Variants in GID4 observed in about 807,000 individuals in gnomAD.
The protein encoded by GID4 is GID complex subunit 4 homolog.
GID4 carries 7 observed loss-of-function variants against 32.4 expected under a neutral mutation model. That is an observed-to-expected ratio of 0.22 (90% CI 0.12 to 0.41). The LOEUF (loss-of-function observed/expected upper bound fraction) is 0.41, where lower values mean the gene tolerates loss of function less well. Ranked by LOEUF, GID4 falls within the 10% of genes least tolerant of loss-of-function variation. The pLI is 1.00. For missense variants in GID4, 309 were observed against 400.0 expected, an observed-to-expected ratio of 0.77 and a Z score of 1.94; for synonymous variants, 166 against 170.0, an observed-to-expected ratio of 0.98 and a Z score of 0.18.
chr17:18,047,851 A>G (rs138838861), intron 2 of GID4, among the ~76,000 whole-genome samples: 13 of 152,252 alleles, frequency 8.5e-5, no homozygotes, highest in Non-Finnish European at 1.9e-4. Context: ...CATTTGAAGT[A>G]TACAGTTCAT....
intron 5 of GID4, among the ~76,000 whole-genome samples, chr17:18,064,574 C>T (rs1249282372): frequency 6.6e-6 from 1 of 152,116 alleles, no homozygotes; most frequent in Non-Finnish European, 1.5e-5. Flanking sequence ...AGATTGTCTG[C>T]CCCTATTTCT....
chr17:18,047,360 A>AGTGT (rs2145554581), intron 2 of GID4, among the ~76,000 whole-genome samples: 1 of 152,392 alleles, frequency 6.6e-6, no homozygotes, highest in Non-Finnish European at 1.5e-5. Flanking sequence ...TAAGGAAACC[A>AGTGT]GCAAGTGTGT....
intron 2 of GID4, among the ~76,000 whole-genome samples, chr17:18,051,213 C>T (rs1178940185): frequency 6.6e-6 from 1 of 152,072 alleles, no homozygotes. Context: ...ACTATGTTGC[C>T]CAAGCTGATC....
rs941164604 is a variant in GID4 at position 18,066,145 on chromosome 17, A to C, written c.*902A>C. On this transcript the variant is annotated 3_prime_UTR_variant, in exon 6 of 6. Coordinates refer to ENST00000268719, the MANE Select transcript of GID4 (RefSeq NM_024052.5). ...GAAAACAGCAAATGTTGACTTAGTA[A>C]TTTTTATATCGATATCTATATGTAT... 11 of 152,538 alleles carry C rather than the reference A, an allele frequency of 7.2e-5. No individual in the cohort carries two copies. The highest frequency in any genetic ancestry group is 2.2e-4 in the African/African-American group (9 of 41,430). 9.4% of individuals were successfully genotyped at this position (152,538 alleles called of 1,614,324 possible).
rs1212480832 is a variant in GID4, at chr17:18,054,138, C to T, written c.510C>T (p.Thr170=). 6.2e-7 allele frequency: 1 copy of T among 1,602,726 alleles called. No homozygotes were observed. The highest frequency in any genetic ancestry group is 1.3e-5 in the African/African-American group (1 of 74,820). Residue 170 remains threonine (T), a synonymous_variant, in exon 3 of 6, where the codon ACC becomes ACT. Transcript: ENST00000268719. ...GGTTTTTACCATAGGAGTATCCAAC[C>T]CTTACAACCTTCTTCGAAGGAGAAA... is the stretch of plus-strand genomic sequence containing the variant. The part of the protein sequence containing the change: ...KIKGLTEEYP[T]LTTFFEGEII...
chr17:18,045,245 G>A, intron 2 of GID4, 39 bp downstream of exon 2: 1 of 1,552,890 alleles, frequency 6.4e-7, no homozygotes, highest in Non-Finnish European at 8.9e-7. Flanking sequence ...TAGAAAGTCT[G>A]TGGTGTGCTC....
At position 18,065,392 on chromosome 17, in the gene GID4, G is replaced by T. The variant is rs560870144; in HGVS notation, c.*149G>T. On this transcript the variant is annotated 3_prime_UTR_variant, in exon 6 of 6. Transcript: ENST00000268719. Reference sequence around the variant, plus strand: ...CACAAAGCATGAATGTTAACCCACAGAATCCAAGGAGCATGGCTGGCCCGT... The same window carrying T: ...CACAAAGCATGAATGTTAACCCACATAATCCAAGGAGCATGGCTGGCCCGT... 12 of 678,820 alleles carry T rather than the reference G, an allele frequency of 1.8e-5. No individual in the cohort carries two copies. The South Asian group carries it at 2.0e-4, about 12-fold the overall frequency. 42.0% of individuals were successfully genotyped at this position (678,820 alleles called of 1,614,324 possible). A position where few individuals can be genotyped will look rare whatever the true frequency, so the allele number is the denominator to read the frequency against.
rs532561952 is a variant in GID4 at position 18,060,355 on chromosome 17, G to A, written c.708+1386G>A. On this transcript the variant is annotated intron_variant, in intron 4 of 5. Coordinates refer to ENST00000268719, the MANE Select transcript of GID4 (RefSeq NM_024052.5). ...GGAGGTTGCAGTGAGCCAAGATTGC[G>A]CTACTGCACTCCAGGCTGGGTGACA... Among the ~76,000 whole-genome samples the A allele has an allele frequency of 4.3e-5, 6 of 138,338 alleles. No individual in the cohort carries two copies. The East Asian group carries it at 8.7e-4, about 20-fold the overall frequency. The allele number at this position is 138,338 out of a possible 152,430, so 90.8% of individuals were successfully genotyped here.
rs1286514345 is a variant in GID4 at position 18,068,192 on chromosome 17, TTAC to T, written c.*2952_*2954del. 2.0e-5 allele frequency: 3 copies of T among 152,640 alleles called. No homozygotes were observed. The highest frequency in any genetic ancestry group is 3.8e-4 in the East Asian group (2 of 5,202). The allele number at this position is 152,640 out of a possible 1,614,324, so 9.5% of individuals were successfully genotyped here. ...AACTGTGTTGTATCGTGGTTTAAAA[TTAC>T]TAACAAGTTGTGGGAAAGAAAAATA... On this transcript the variant is annotated 3_prime_UTR_variant, in exon 6 of 6. Coordinates refer to ENST00000268719, the MANE Select transcript of GID4 (RefSeq NM_024052.5).
chr17:18,039,911 C>A lies in GID4; in HGVS notation c.438+9C>A. 3 of 1,370,950 alleles carry A rather than the reference C, an allele frequency of 2.2e-6. No individual in the cohort carries two copies. The highest frequency in any genetic ancestry group is 2.9e-6 in the Non-Finnish European group (3 of 1,052,126). The allele number at this position is 1,370,950 out of a possible 1,614,324, so 84.9% of individuals were successfully genotyped here. A position where few individuals can be genotyped will look rare whatever the true frequency, so the allele number is the denominator to read the frequency against. On this transcript the variant is annotated intron_variant, in intron 1 of 5. Transcript: ENST00000268719. This position sits in a 1 kb window ranked among gnomAD's most constrained non-coding sequence, Gnocchi z 5.3. ...TAGAGGTGGTGCTGCAGGTGAGCGCCGGGCCGGGCCGGGGCCCGAGGGCCT... is the reference window on the plus strand; with the variant it reads ...TAGAGGTGGTGCTGCAGGTGAGCGCAGGGCCGGGCCGGGGCCCGAGGGCCT...
intron 4 of GID4, among the ~76,000 whole-genome samples, chr17:18,059,682 A>G (rs2045001449): frequency 6.6e-6 from 1 of 152,212 alleles, no homozygotes; most frequent in East Asian, 1.9e-4. Flanking sequence ...CCTAGTCCCC[A>G]GTCTGCAGGG....
In GID4 at chr17:18,039,652, C is replaced by A; in HGVS notation, c.188C>A (p.Ser63Tyr). The change falls in exon 1 of 6, where the codon TCC becomes TAC. Residue 63 changes from serine (S) to tyrosine (Y), a missense_variant. Ser to Tyr is a moderately radical substitution (Grantham distance 144). Around this residue, in one of 2 missense-constraint regions of GID4, gnomAD observed 193 missense variants for 185.8 expected, o/e 1.04. Coordinates refer to ENST00000268719, the MANE Select transcript of GID4 (RefSeq NM_024052.5). This position sits in a 1 kb window ranked among gnomAD's most constrained non-coding sequence, Gnocchi z 5.3. ...GLSLPATLLG[S>Y]RAAAAVPLPL... ...TCCCTCCCCGCCACCCTCCTCGGCT[C>A]CCGCGCGGCGGCGGCGGTTCCTCTC... The A allele has an allele frequency of 7.4e-7, 1 of 1,353,512 alleles. No individual in the cohort carries two copies. Among genetic ancestry groups the A allele is most frequent in the South Asian group, 1.9e-5 (1 of 53,982 alleles). The allele number at this position is 1,353,512 out of a possible 1,614,324, so 83.8% of individuals were successfully genotyped here.
At chr17:18,046,408 C>G (rs1230198915) in intron 2 of GID4, among the ~76,000 whole-genome samples, 2 of 152,076 alleles carry the variant, frequency 1.3e-5, no homozygotes, top group Non-Finnish European at 2.9e-5. Flanking sequence ...AATTCAAGAC[C>G]AGCCTGGACA....
chr17:18,064,255 G>A (rs1194867315), intron 5 of GID4, among the ~76,000 whole-genome samples: 1 of 152,106 alleles, frequency 6.6e-6, no homozygotes, highest in African/African-American at 2.4e-5. Context: ...GTTTCCCACA[G>A]CAGCTGCACC....
In GID4 at chr17:18,056,934, A is replaced by G. The variant is rs567573036; in HGVS notation, c.607-1934A>G. Reference sequence around the variant, plus strand: ...GAGGACTCCCAGGTTCCCACGTGGGACTCCTGGAGCTCTGTACTGCACCTG... The same window carrying G: ...GAGGACTCCCAGGTTCCCACGTGGGGCTCCTGGAGCTCTGTACTGCACCTG... On this transcript the variant is annotated intron_variant, in intron 3 of 5. Transcript: ENST00000268719. 25 of 1,550,398 alleles carry G rather than the reference A, an allele frequency of 1.6e-5. No individual in the cohort carries two copies. In the African/African-American group the frequency reaches 3.1e-4, roughly 20 times the overall value.
At chr17:18,044,995 C>T in intron 1 of GID4, 152 bp from the exon 2 acceptor site, 1 of 555,674 alleles carries the variant, frequency 1.8e-6, no homozygotes, top group East Asian at 2.8e-5. Flanking sequence ...GTGGGGAGAA[C>T]TTATCAAGAT....
intron 1 of GID4, among the ~76,000 whole-genome samples, chr17:18,043,112 G>A (rs1177320706): frequency 6.6e-6 from 1 of 152,298 alleles, no homozygotes; most frequent in African/African-American, 2.4e-5. Context: ...TAAAAGAACA[G>A]CCGTTGGACA....
At chr17:18,047,157 T>C (rs920889685) in intron 2 of GID4, among the ~76,000 whole-genome samples, 1 of 152,218 alleles carries the variant, frequency 6.6e-6, no homozygotes, top group African/African-American at 2.4e-5. Context: ...AAGTTTGTTG[T>C]TGAGACCAAA....
intron 3 of GID4, 101 bp downstream of exon 3, chr17:18,054,335 C>A: frequency 1.5e-6 from 1 of 686,400 alleles, no homozygotes; most frequent in Non-Finnish European, 2.5e-6. Context: ...ATTACTGGGG[C>A]TTTGCAACCA....
Sources: allele counts gnomAD v4.1 joint callset (sites outside exome capture counted in the v4.1 genomes callset), GRCh38; gene constraint gnomAD v4.1.1; regional missense constraint gnomAD v4.1.1; non-coding constraint Gnocchi (gnomAD v3.1); transcripts MANE v1.5; gene names NCBI Gene and HGNC (gene_info 2026-07-23, HGNC 2026-07-21).